Variants in EXOC6B observed in about 807,000 individuals in gnomAD.
The protein encoded by EXOC6B is SEC15 homolog B.
EXOC6B carries 54 observed loss-of-function variants against 113.5 expected under a neutral mutation model. That is an observed-to-expected ratio of 0.48 (90% CI 0.38 to 0.60). The LOEUF is 0.60. EXOC6B is among the 20% of genes least tolerant of loss of function. The probability of loss-of-function intolerance (pLI) is 0.00; values close to 1 mark genes in which losing one functional copy is unlikely to be tolerated. For missense variants in EXOC6B, 797 were observed against 977.5 expected, an observed-to-expected ratio of 0.82 and a Z score of 2.46; for synonymous variants, 357 against 339.0, an observed-to-expected ratio of 1.05 and a Z score of -0.58.
chr2:72,824,850 G>A (rs1686804195), intron 1 of EXOC6B, among the ~76,000 whole-genome samples: 1 of 152,164 alleles, frequency 6.6e-6, no homozygotes, highest in Non-Finnish European at 1.5e-5. Context: ...ATCCCCAGCT[G>A]AGGCAAAACA....
chr2:72,265,793 G>A (rs568165238), intron 20 of EXOC6B, among the ~76,000 whole-genome samples: 1 of 152,080 alleles, frequency 6.6e-6, no homozygotes, highest in Non-Finnish European at 1.5e-5. Context: ...TGGGTCAAAT[G>A]GTATTTCTAG....
chr2:72,540,241 T>A (rs999424340), intron 8 of EXOC6B, among the ~76,000 whole-genome samples: 21 of 152,172 alleles, frequency 1.4e-4, no homozygotes, highest in Non-Finnish European at 2.2e-4. Flanking sequence ...TTGTGAACAG[T>A]GCCGCAATAA....
chr2:72,620,915 C>T (rs2104182367), intron 6 of EXOC6B, among the ~76,000 whole-genome samples: 1 of 152,220 alleles, frequency 6.6e-6, no homozygotes, highest in Middle Eastern at 3.4e-3. Flanking sequence ...CTCATCATCA[C>T]TGATCATCCG....
chr2:72,748,433 A>G (rs1220562218), intron 1 of EXOC6B, among the ~76,000 whole-genome samples: 2 of 152,034 alleles, frequency 1.3e-5, no homozygotes, highest in Non-Finnish European at 1.5e-5. Flanking sequence ...TCCTTACTTC[A>G]GTTTGTCTAT....
At chr2:72,350,508 T>C (rs182426413) in intron 19 of EXOC6B, among the ~76,000 whole-genome samples, 6 of 152,354 alleles carry the variant, frequency 3.9e-5, no homozygotes, top group Non-Finnish European at 7.3e-5. Flanking sequence ...TTAGGATCTA[T>C]CTTATTAGAG....
intron 6 of EXOC6B, among the ~76,000 whole-genome samples, chr2:72,661,820 A>G (rs1168336746): frequency 6.6e-6 from 1 of 152,112 alleles, no homozygotes; most frequent in Non-Finnish European, 1.5e-5. Context: ...AAGCTACAGT[A>G]ATCAAGACAC....
chr2:72,712,551 G>A (rs1352466849), intron 6 of EXOC6B, among the ~76,000 whole-genome samples: 1 of 152,200 alleles, frequency 6.6e-6, no homozygotes, highest in African/African-American at 2.4e-5. Flanking sequence ...GCTGTCAGGT[G>A]GGGATCATTT....
chr2:72,374,769 C>G (rs1232256047), intron 19 of EXOC6B, among the ~76,000 whole-genome samples: 1 of 149,688 alleles, frequency 6.7e-6, no homozygotes, highest in Admixed American at 6.7e-5. Flanking sequence ...ACATTGCATG[C>G]CTGAATCAAA....
At chr2:72,210,038 G>A (rs940877186) in intron 20 of EXOC6B, among the ~76,000 whole-genome samples, 10 of 152,112 alleles carry the variant, frequency 6.6e-5, no homozygotes, top group Admixed American at 6.5e-4. Context: ...TAAATACTAA[G>A]ACTTTCTTTT....
At chr2:72,293,468 T>C (rs960879977) in intron 20 of EXOC6B, among the ~76,000 whole-genome samples, 1 of 152,148 alleles carries the variant, frequency 6.6e-6, no homozygotes, top group Non-Finnish European at 1.5e-5. Flanking sequence ...TGATAAACAG[T>C]AAACCATTAA....
rs752321034 is a variant in EXOC6B at position 72,513,186 on chromosome 2, A to G, written c.1113T>C (p.Asp371=). The part of the protein sequence containing the change: ...TQGLVNRAYI[D]ELWEMALSKT... ...TTGAAAGTGCCATTTCCCACAGTTC[A>G]TCAATGTAGGCTCTATTTACTAAGC... Residue 371 remains aspartate, a synonymous_variant, in exon 11 of 22, where the codon GAT becomes GAC. Coordinates refer to ENST00000272427, the MANE Select transcript of EXOC6B (RefSeq NM_015189.3). 122 of 1,613,462 alleles carry G rather than the reference A, an allele frequency of 7.6e-5. 2 individuals are homozygous for G. The East Asian group carries it at 2.6e-3, about 34-fold the overall frequency.
At chr2:72,321,529 G>A (rs558564299) in intron 20 of EXOC6B, among the ~76,000 whole-genome samples, 126 of 115,518 alleles carry the variant, frequency 1.1e-3, no homozygotes, top group African/African-American at 3.9e-3. Context: ...GAGAGACTCC[G>A]TCTCAAAAAA....
intron 8 of EXOC6B, among the ~76,000 whole-genome samples, chr2:72,544,854 G>T (rs1702809535): frequency 6.6e-6 from 1 of 151,924 alleles, no homozygotes; most frequent in South Asian, 2.1e-4. Context: ...CCCTATCTTT[G>T]TAATGTCATC....
Position 72,297,715 on chromosome 2 carries a change from G to C in EXOC6B, c.2196+37232C>G, listed in dbSNP as rs1014181921. 3.2e-4 allele frequency among the ~76,000 whole-genome samples: 48 copies of C among 151,772 alleles called. 1 individual carries two copies. The highest frequency in any genetic ancestry group is 1.2e-3 in the African/African-American group (48 of 41,368). On this transcript the variant is annotated intron_variant, in intron 20 of 21. Transcript: ENST00000272427. ...ATAATGGTACATTGTGTCTTTAAAT[G>C]AACTTATTTATTTCTGCCTTAATTT...
intron 6 of EXOC6B, among the ~76,000 whole-genome samples, chr2:72,672,674 G>T (rs2104507941): frequency 6.6e-6 from 1 of 152,174 alleles, no homozygotes; most frequent in East Asian, 1.9e-4. Flanking sequence ...TAGAACCAAA[G>T]GTCATTACAT....
intron 11 of EXOC6B, among the ~76,000 whole-genome samples, chr2:72,512,302 C>T (rs1241485988): frequency 2.1e-5 from 3 of 143,960 alleles, no homozygotes; most frequent in Non-Finnish European, 1.5e-5. Context: ...CATAATCAAT[C>T]TTTAAGAAAC....
intron 6 of EXOC6B, among the ~76,000 whole-genome samples, chr2:72,696,561 T>A (rs952717992): frequency 6.6e-6 from 1 of 152,196 alleles, no homozygotes; most frequent in Non-Finnish European, 1.5e-5. Flanking sequence ...TACAATGTAG[T>A]GGACATTGTC....
chr2:72,478,704 T>C (rs1301686108), intron 17 of EXOC6B, among the ~76,000 whole-genome samples: 3 of 152,208 alleles, frequency 2.0e-5, no homozygotes, highest in Non-Finnish European at 4.4e-5. Flanking sequence ...AAGCCATCCT[T>C]TGAGAGAATT....
chr2:72,365,076 C>A (rs1047343703), intron 19 of EXOC6B, among the ~76,000 whole-genome samples: 1 of 151,970 alleles, frequency 6.6e-6, no homozygotes, highest in African/African-American at 2.4e-5. Context: ...AGGAATGTGG[C>A]GGGCAACTTA....
Sources: allele counts gnomAD v4.1 joint callset (sites outside exome capture counted in the v4.1 genomes callset), GRCh38; gene constraint gnomAD v4.1.1; transcripts MANE v1.5; gene names NCBI Gene and HGNC (gene_info 2026-07-23, HGNC 2026-07-21).